Variants in SLC17A3 observed in about 807,000 individuals in gnomAD.
SLC17A3 encodes the protein sodium-dependent phosphate transport protein 4.
SLC17A3 carries 61 observed loss-of-function variants against 60.3 expected under a neutral mutation model. The ratio of observed to expected loss-of-function variants is 1.01; its 90% CI spans 0.82 to 1.25. SLC17A3 has a LOEUF of 1.25. Among genes scored for constraint, SLC17A3 ranks in the 50% most tolerant of loss-of-function variants. The probability of loss-of-function intolerance (pLI) is 0.00; values close to 1 mark genes in which losing one functional copy is unlikely to be tolerated. For synonymous variants in SLC17A3, 192 were observed against 208.9 expected (o/e 0.92, Z 0.70); for missense variants, 624 against 594.9 (o/e 1.05, Z -0.51).
chr6:25,872,841 C>G (rs1561862453), intron 1 of SLC17A3, among the ~76,000 whole-genome samples: 1 of 151,922 alleles, frequency 6.6e-6, no homozygotes, highest in African/African-American at 2.4e-5. Flanking sequence ...CCATTTGTCT[C>G]CTGACTTTTG....
chr6:25,866,101 C>A (rs544830603), intron 2 of SLC17A3, among the ~76,000 whole-genome samples: 6 of 152,048 alleles, frequency 3.9e-5, no homozygotes, highest in South Asian at 4.1e-4. Context: ...GGGGCCAGGA[C>A]CTTTCACTTG....
intron 1 of SLC17A3, among the ~76,000 whole-genome samples, chr6:25,869,580 C>T (rs979783454): frequency 1.4e-4 from 22 of 151,888 alleles, no homozygotes; most frequent in Admixed American, 4.6e-4. Context: ...CAGTTTCACA[C>T]GGCTGCGGAG....
intron 11 of SLC17A3, among the ~76,000 whole-genome samples, chr6:25,847,628 C>A (rs183459537): frequency 6.6e-6 from 1 of 152,150 alleles, no homozygotes; most frequent in Admixed American, 6.5e-5. Flanking sequence ...GATGATCTCA[C>A]TGTGGTTTTG....
chr6:25,855,012 G>A (rs1251084483), intron 6 of SLC17A3, 132 bp downstream of exon 6: 2 of 708,326 alleles, frequency 2.8e-6, no homozygotes, highest in African/African-American at 1.8e-5. Flanking sequence ...TATTCCCTTA[G>A]ATTAAGATAT....
intron 6 of SLC17A3, among the ~76,000 whole-genome samples, chr6:25,851,442 T>C (rs1765275305): frequency 6.6e-6 from 1 of 152,168 alleles, no homozygotes; most frequent in Non-Finnish European, 1.5e-5. Flanking sequence ...TTATGAATTA[T>C]GCTTTTGGTG....
At chr6:25,857,062 G>C (rs1406086212) in intron 5 of SLC17A3, among the ~76,000 whole-genome samples, 1 of 151,744 alleles carries the variant, frequency 6.6e-6, no homozygotes, top group Non-Finnish European at 1.5e-5. Flanking sequence ...GGTGGTGCCT[G>C]ACTGTAGTTT....
At position 25,873,705 on chromosome 6, in the gene SLC17A3, C is replaced by G. The variant is rs185593035; in HGVS notation, c.-34+462G>C. 1.6e-3 allele frequency among the ~76,000 whole-genome samples: 240 copies of G among 152,174 alleles called. 1 individual carries two copies. Among genetic ancestry groups the G allele is most frequent in the Non-Finnish European group, 2.5e-3 (173 of 67,982 alleles). The stretch of plus-strand genomic sequence containing the variant: ...GATGCTTTCTTGGACCAGAGCCACC[C>G]TAGCCATTGGTATAATAGAAATAAT... On this transcript the variant is annotated intron_variant, in intron 1 of 12. Transcript: ENST00000397060.
chr6:25,852,593 A>C (rs1765295798), intron 6 of SLC17A3, among the ~76,000 whole-genome samples: 1 of 152,048 alleles, frequency 6.6e-6, no homozygotes, highest in African/African-American at 2.4e-5. Context: ...TATTGTATCT[A>C]ATCTGTCATT....
chr6:25,849,838 C>T lies in SLC17A3; in HGVS notation c.1238G>A (p.Gly413Glu), dbSNP rs181054649. 6.8e-6 allele frequency: 11 copies of T among 1,613,904 alleles called. No homozygotes were observed. Among genetic ancestry groups the T allele is most frequent in the East Asian group, 2.2e-5 (1 of 44,878 alleles). The change falls in exon 10 of 13, where the codon GGG (glycine) becomes GAG (glutamate). Residue 413 changes from glycine (G) to glutamate (E), a missense_variant. By Grantham distance (98) the Gly-to-Glu change is moderately conservative. Coordinates refer to ENST00000397060, the MANE Select transcript of SLC17A3 (RefSeq NM_001098486.2). Reference sequence around the variant, plus strand: ...AATATCTAAGACATTGATATAAATCCCTGACTGACACAATGTGCTTAATCC... The same window carrying T: ...AATATCTAAGACATTGATATAAATCTCTGACTGACACAATGTGCTTAATCC... ...SCGLSTLCQS[G>E]IYINVLDIAP...
rs746160411 is a variant in SLC17A3, at chr6:25,862,290, C to T, written c.246G>A (p.Val82=). 1.2e-6 allele frequency: 2 copies of T among 1,613,854 alleles called. No homozygotes were observed. The highest frequency in any genetic ancestry group is 1.7e-5 in the Admixed American group (1 of 59,986). ...PQSQLNDSSE[V]LPVDSFGGLS... The stretch of plus-strand genomic sequence containing the variant: ...GGCCACCAAATGAGTCAACAGGCAG[C>T]ACCTCAGAGGAATCATTGAGCTGGG... The change falls in exon 3 of 13, where the codon GTG becomes GTA. Residue 82 remains valine, a synonymous_variant. Transcript: ENST00000397060.
At chr6:25,859,500 A>G (rs967376704) in intron 5 of SLC17A3, among the ~76,000 whole-genome samples, 8 of 152,142 alleles carry the variant, frequency 5.3e-5, no homozygotes, top group African/African-American at 1.7e-4. Flanking sequence ...CTGACTCAAT[A>G]TTTGTCTGGG....
intron 2 of SLC17A3, among the ~76,000 whole-genome samples, chr6:25,866,156 C>T (rs1561859939): frequency 2.0e-5 from 3 of 151,930 alleles, no homozygotes; most frequent in Non-Finnish European, 4.4e-5. Context: ...ACGTCACCCC[C>T]ATGATTACAT....
intron 1 of SLC17A3, among the ~76,000 whole-genome samples, chr6:25,870,171 T>G (rs764201757): frequency 1.3e-5 from 2 of 152,022 alleles, no homozygotes; most frequent in Non-Finnish European, 2.9e-5. Context: ...AAGTGTAGTA[T>G]TAATGTCTCT....
At chr6:25,856,671 T>A (rs1298525439) in intron 5 of SLC17A3, among the ~76,000 whole-genome samples, 3 of 151,068 alleles carry the variant, frequency 2.0e-5, no homozygotes, top group African/African-American at 7.3e-5. Flanking sequence ...CATGGTGAAA[T>A]CCTGCCTCTA....
At chr6:25,868,506 A>G (rs1368610188) in intron 1 of SLC17A3, 86 bp from the exon 2 acceptor site, 1 of 899,000 alleles carries the variant, frequency 1.1e-6, no homozygotes, top group East Asian at 2.6e-5. Context: ...ACCAAGGAAA[A>G]AAAAGCTGGC....
chr6:25,868,559 T>C, intron 1 of SLC17A3, 139 bp from the exon 2 acceptor site: 1 of 631,492 alleles, frequency 1.6e-6, no homozygotes, highest in Non-Finnish European at 2.8e-6. Context: ...TTATCCCCTC[T>C]TGGCTCAACA....
intron 2 of SLC17A3, among the ~76,000 whole-genome samples, chr6:25,866,395 C>T (rs966236506): frequency 4.6e-5 from 7 of 151,988 alleles, no homozygotes; most frequent in Non-Finnish European, 1.0e-4. Flanking sequence ...GAAGTGGGCT[C>T]TTCCCTAGTC....
chr6:25,845,421 GACATCT>G lies in SLC17A3; in HGVS notation c.1452_1457del (p.Asp485_Val486del), dbSNP rs1231148259. 5 of 1,613,790 alleles carry G rather than the reference GACATCT, an allele frequency of 3.1e-6. No homozygotes were observed. The highest frequency in any genetic ancestry group is 4.2e-6 in the Non-Finnish European group (5 of 1,179,940). ...GTTTTCTCTCTTTAGCCCATTCTTG[GACATCT>G]GCTTCTCCAAATATGAGGTAGAAGA... is the stretch of plus-strand genomic sequence containing the variant. On this transcript the variant is annotated inframe_deletion, in exon 12 of 13. Coordinates refer to ENST00000397060, the MANE Select transcript of SLC17A3 (RefSeq NM_001098486.2).
chr6:25,864,581 T>C (rs886837206), intron 2 of SLC17A3, among the ~76,000 whole-genome samples: 2 of 151,780 alleles, frequency 1.3e-5, no homozygotes, highest in Non-Finnish European at 2.9e-5. Context: ...AGGTTCTTGT[T>C]CTAAACAACA....
Sources: gnomAD v4.1 joint callset for allele counts (sites outside exome capture counted in the v4.1 genomes callset) on GRCh38, gnomAD v4.1.1 for gene constraint, MANE v1.5 for transcripts, NCBI Gene and HGNC (gene_info 2026-07-23, HGNC 2026-07-21) for gene names.